Variants in TENM3 observed in about 807,000 individuals in gnomAD.
The protein encoded by TENM3 is teneurin transmembrane protein 3.
A neutral mutation model predicts 255.1 loss-of-function variants in TENM3; 63 were observed. The observed-to-expected ratio is 0.25, with a 90% confidence interval of 0.20 to 0.30. TENM3 has a LOEUF of 0.30. Ranked by LOEUF, TENM3 falls within the 10% of genes least tolerant of loss-of-function variation. The probability of loss-of-function intolerance (pLI) is 1.00; values close to 1 mark genes in which losing one functional copy is unlikely to be tolerated. For missense variants in TENM3, 2,929 were observed against 3,461.1 expected (o/e 0.85, Z 3.86); for synonymous variants, 1,306 against 1,322.3 (o/e 0.99, Z 0.27).
chr4:182,117,921 G>A, the TENM3 span, among the ~76,000 whole-genome samples: 1 of 152,268 alleles, frequency 6.6e-6, no homozygotes, highest in Admixed American at 6.5e-5. Context: ...TCATCCATGA[G>A]TAATCTCTCC....
the TENM3 span, among the ~76,000 whole-genome samples, chr4:181,461,642 G>T: frequency 6.6e-6 from 1 of 151,990 alleles, no homozygotes; most frequent in Non-Finnish European, 1.5e-5. Flanking sequence ...TGTATTATCT[G>T]CTATTAATCT....
At chr4:181,956,724 G>A in the TENM3 span, among the ~76,000 whole-genome samples, 3 of 152,182 alleles carry the variant, frequency 2.0e-5, no homozygotes, top group African/African-American at 7.2e-5. Context: ...TTGGGGAGGT[G>A]ATGAATGTCC....
the TENM3 span, among the ~76,000 whole-genome samples, chr4:181,531,778 G>A: frequency 6.6e-6 from 1 of 152,206 alleles, no homozygotes; most frequent in African/African-American, 2.4e-5. Context: ...CACGGGACTG[G>A]GGAAAGGGAG....
At chr4:182,707,920 G>C (rs900578905) in intron 12 of TENM3, 1 of 152,178 alleles carries the variant, frequency 6.6e-6, no homozygotes, top group Non-Finnish European at 1.5e-5. Context: ...CTGCCTGGTG[G>C]CTTTGGAGAA....
chr4:181,506,198 A>G, the TENM3 span, among the ~76,000 whole-genome samples: 1 of 152,112 alleles, frequency 6.6e-6, no homozygotes, highest in Non-Finnish European at 1.5e-5. Flanking sequence ...AAAGAACAAT[A>G]TTTCTCCTGA....
chr4:182,760,267 C>A (rs1230764993), intron 22 of TENM3, among the ~76,000 whole-genome samples: 2 of 152,186 alleles, frequency 1.3e-5, no homozygotes, highest in Non-Finnish European at 2.9e-5. Context: ...CCAAAAAGAT[C>A]TCACCTGCTA....
chr4:181,544,272 T>C, the TENM3 span, among the ~76,000 whole-genome samples: 1 of 151,816 alleles, frequency 6.6e-6, no homozygotes, highest in Non-Finnish European at 1.5e-5. Context: ...CAAGAGTGTT[T>C]CATATTGTGT....
chr4:181,912,609 A>G, the TENM3 span, among the ~76,000 whole-genome samples: 1 of 152,000 alleles, frequency 6.6e-6, no homozygotes, highest in African/African-American at 2.4e-5. Flanking sequence ...CCTGGCCAAC[A>G]TAGTGAAACC....
At chr4:181,508,488 G>A in the TENM3 span, among the ~76,000 whole-genome samples, 1 of 152,208 alleles carries the variant, frequency 6.6e-6, no homozygotes, top group South Asian at 2.1e-4. Context: ...GTTGACCATA[G>A]GGAGGATTCT....
intron 3 of TENM3, among the ~76,000 whole-genome samples, chr4:182,516,220 A>G (rs1197952056): frequency 2.0e-5 from 3 of 152,230 alleles, no homozygotes; most frequent in African/African-American, 4.8e-5. Context: ...CAAAACATCA[A>G]ATAAGTCAAT....
chr4:181,700,495 T>C, the TENM3 span, among the ~76,000 whole-genome samples: 1 of 152,306 alleles, frequency 6.6e-6, no homozygotes, highest in East Asian at 1.9e-4. Flanking sequence ...CATGTTTTCA[T>C]AGTTAATGCA....
chr4:181,963,354 T>G, the TENM3 span, among the ~76,000 whole-genome samples: 1 of 152,236 alleles, frequency 6.6e-6, no homozygotes, highest in African/African-American at 2.4e-5. Context: ...CCCTTTTCCC[T>G]CATTCTTTCA....
chr4:182,778,410 G>A (rs1239549568), intron 24 of TENM3, among the ~76,000 whole-genome samples: 1 of 152,094 alleles, frequency 6.6e-6, no homozygotes, highest in South Asian at 2.1e-4. Flanking sequence ...TAATCTGAGC[G>A]GCACGGCCTA....
intron 25 of TENM3, among the ~76,000 whole-genome samples, chr4:182,790,264 G>A (rs1031222948): frequency 2.0e-5 from 3 of 148,764 alleles, no homozygotes; most frequent in South Asian, 2.1e-4. Flanking sequence ...CCAGCAGCGC[G>A]TGCTACACAC....
At chr4:182,664,121 G>T (rs57565704) in intron 6 of TENM3, among the ~76,000 whole-genome samples, 12 of 152,256 alleles carry the variant, frequency 7.9e-5, no homozygotes, top group African/African-American at 2.4e-4. Flanking sequence ...ATGCCTCCCA[G>T]ATACCGTGTT....
the TENM3 span, among the ~76,000 whole-genome samples, chr4:182,047,559 T>TAAAAA: frequency 1.7e-4 from 1 of 5,946 alleles, no homozygotes; most frequent in African/African-American, 5.6e-4. Flanking sequence ...AGACTCCATC[T>TAAAAA]CAAAAAAAAA....
chr4:182,163,791 G>A (rs569783714), intron 1 of TENM3, among the ~76,000 whole-genome samples: 1 of 152,186 alleles, frequency 6.6e-6, no homozygotes, highest in East Asian at 1.9e-4. Context: ...GATTTCCTTT[G>A]CTCTGTGACA....
the TENM3 span, among the ~76,000 whole-genome samples, chr4:181,859,598 T>C: frequency 2.0e-5 from 3 of 152,190 alleles, no homozygotes; most frequent in Non-Finnish European, 4.4e-5. Context: ...GAAAGTGAAA[T>C]AGTGATTTCC....
At chr4:182,743,080 G>T in intron 18 of TENM3, 90 bp from the exon 19 acceptor site, 1 of 1,382,938 alleles carries the variant, frequency 7.2e-7, no homozygotes. Flanking sequence ...GACAGGCATT[G>T]AATTATAGTT....
Sources: allele counts gnomAD v4.1 joint callset (sites outside exome capture counted in the v4.1 genomes callset), GRCh38; gene constraint gnomAD v4.1.1; transcripts MANE v1.5; gene names NCBI Gene and HGNC (gene_info 2026-07-23, HGNC 2026-07-21).